Variants in CSMD1 observed in about 807,000 individuals in gnomAD.
CSMD1 encodes CUB and sushi domain-containing protein 1.
In CSMD1, 213 loss-of-function variants were observed where a neutral mutation model predicts 417.5. That is an observed-to-expected ratio of 0.51 (90% CI 0.46 to 0.57). The LOEUF is 0.57. Among genes scored for constraint, CSMD1 ranks in the 20% least tolerant of loss-of-function variants. The pLI is 0.00. For missense variants in CSMD1, 6,923 were observed against 4,529.7 expected, an observed-to-expected ratio of 1.53 and a Z score of -15.17; for synonymous variants, 2,862 against 1,736.8, an observed-to-expected ratio of 1.65 and a Z score of -16.11.
chr8:3,997,549 T>C (rs1815311762), intron 5 of CSMD1, among the ~76,000 whole-genome samples: 1 of 152,094 alleles, frequency 6.6e-6, no homozygotes, highest in Non-Finnish European at 1.5e-5. Flanking sequence ...TAACGTGAGA[T>C]AAAAGAAAAT....
intron 4 of CSMD1, among the ~76,000 whole-genome samples, chr8:4,006,059 T>A (rs1486770122): frequency 6.6e-6 from 1 of 152,150 alleles, no homozygotes; most frequent in African/African-American, 2.4e-5. Context: ...ATTCAAGGAA[T>A]GAGCTGGAGG....
At chr8:4,808,188 G>C (rs1013520408) in intron 1 of CSMD1, among the ~76,000 whole-genome samples, 2 of 152,164 alleles carry the variant, frequency 1.3e-5, no homozygotes, top group Non-Finnish European at 2.9e-5. Context: ...CAGGCAGATT[G>C]GTTTCATTGC....
At chr8:3,327,201 G>T (rs975860161) in intron 23 of CSMD1, among the ~76,000 whole-genome samples, 10 of 151,152 alleles carry the variant, frequency 6.6e-5, no homozygotes, top group Non-Finnish European at 1.2e-4. Flanking sequence ...AGTGTGCAGT[G>T]GCAGGATCTC....
chr8:4,562,937 C>T (rs757280560), intron 2 of CSMD1, among the ~76,000 whole-genome samples: 2 of 152,174 alleles, frequency 1.3e-5, no homozygotes, highest in African/African-American at 2.4e-5. Flanking sequence ...ATTAACTCTA[C>T]TTTCTTAAAC....
intron 3 of CSMD1, among the ~76,000 whole-genome samples, chr8:4,316,186 A>G (rs888843676): frequency 3.9e-5 from 6 of 152,190 alleles, no homozygotes; most frequent in African/African-American, 1.4e-4. Context: ...GCTAAATTTC[A>G]AGAGAGCAGG....
intron 2 of CSMD1, among the ~76,000 whole-genome samples, chr8:4,467,314 C>T (rs554938043): frequency 1.5e-3 from 222 of 152,210 alleles, no homozygotes; most frequent in African/African-American, 4.8e-3. Flanking sequence ...AGTCACTATA[C>T]AGATTATTTA....
chr8:4,218,760 C>G (rs1227971008), intron 3 of CSMD1, among the ~76,000 whole-genome samples: 1 of 152,160 alleles, frequency 6.6e-6, no homozygotes, highest in Non-Finnish European at 1.5e-5. Context: ...TTTCATCAGT[C>G]TCTTGATTTG....
Position 3,123,330 on chromosome 8 carries a change from C to T in CSMD1, c.6242-4743G>A, listed in dbSNP as rs1414631561. On this transcript the variant is annotated intron_variant, in intron 41 of 69. Coordinates refer to ENST00000635120, the MANE Select transcript of CSMD1 (RefSeq NM_033225.6). The stretch of plus-strand genomic sequence containing the variant: ...CACAAAAACAGCCTTTTCTTGAAAG[C>T]CACTGCCAAATGGCCTAGAAAACAT... Among the ~76,000 whole-genome samples, 4 of 152,272 alleles carry T rather than the reference C, an allele frequency of 2.6e-5. No homozygotes were observed. The East Asian group carries it at 7.7e-4, about 29-fold the overall frequency.
intron 2 of CSMD1, among the ~76,000 whole-genome samples, chr8:4,512,219 T>A (rs907422890): frequency 1.2e-4 from 18 of 152,110 alleles, no homozygotes; most frequent in Non-Finnish European, 2.1e-4. Context: ...GAAAAGCAAT[T>A]AACAAAATCC....
At chr8:4,230,685 G>A (rs1052695654) in intron 3 of CSMD1, among the ~76,000 whole-genome samples, 8 of 151,962 alleles carry the variant, frequency 5.3e-5, no homozygotes, top group African/African-American at 1.9e-4. Flanking sequence ...AATTTTTACT[G>A]CCTAATAGTA....
intron 7 of CSMD1, among the ~76,000 whole-genome samples, chr8:3,636,883 C>A (rs552625935): frequency 6.6e-6 from 1 of 152,078 alleles, no homozygotes; most frequent in African/African-American, 2.4e-5. Context: ...GATTTTGTTG[C>A]CATTGTGAGG....
intron 2 of CSMD1, among the ~76,000 whole-genome samples, chr8:4,580,605 GCT>G (rs1799368732): frequency 6.6e-6 from 1 of 151,948 alleles, no homozygotes; most frequent in Non-Finnish European, 1.5e-5. Context: ...ACCCATAACT[GCT>G]CTCTCCCCTC....
At chr8:4,298,959 T>G (rs566757145) in intron 3 of CSMD1, among the ~76,000 whole-genome samples, 1 of 152,104 alleles carries the variant, frequency 6.6e-6, no homozygotes, top group Non-Finnish European at 1.5e-5. Context: ...ATATGTCATA[T>G]ATAATAGAAC....
chr8:4,720,029 T>C (rs999820605), intron 1 of CSMD1, among the ~76,000 whole-genome samples: 1 of 152,064 alleles, frequency 6.6e-6, no homozygotes, highest in African/African-American at 2.4e-5. Context: ...TTACAGATCA[T>C]TAAATATTTT....
At chr8:3,188,078 ATATGTATATG>A (rs1240759510) in intron 35 of CSMD1, 113 bp from the exon 36 acceptor site, 5 of 338,398 alleles carry the variant, frequency 1.5e-5, no homozygotes, top group Non-Finnish European at 2.7e-5. Flanking sequence ...ATATATATAC[ATATGTATATG>A]TATATATATA....
At chr8:2,971,656 T>G (rs764850388) in intron 57 of CSMD1, among the ~76,000 whole-genome samples, 1 of 152,200 alleles carries the variant, frequency 6.6e-6, no homozygotes, top group Non-Finnish European at 1.5e-5. Flanking sequence ...CTGGTTTTGG[T>G]GAGAAAACAT....
intron 1 of CSMD1, among the ~76,000 whole-genome samples, chr8:4,717,472 A>G (rs1308765628): frequency 6.6e-6 from 1 of 151,614 alleles, no homozygotes; most frequent in African/African-American, 2.4e-5. Flanking sequence ...ATATATATAC[A>G]CACACACCCC....
intron 2 of CSMD1, among the ~76,000 whole-genome samples, chr8:4,577,742 G>C (rs1023236988): frequency 6.6e-6 from 1 of 152,178 alleles, no homozygotes; most frequent in South Asian, 2.1e-4. Context: ...TGGGTATGCT[G>C]TTTGATTACT....
intron 7 of CSMD1, among the ~76,000 whole-genome samples, chr8:3,625,835 A>G (rs961870935): frequency 3.3e-5 from 5 of 152,106 alleles, no homozygotes; most frequent in African/African-American, 1.2e-4. Flanking sequence ...TTTTTCTATC[A>G]GAGGGAAAAA....
Sources: gnomAD v4.1 joint callset for allele counts (sites outside exome capture counted in the v4.1 genomes callset) on GRCh38, gnomAD v4.1.1 for gene constraint, MANE v1.5 for transcripts, NCBI Gene and HGNC (gene_info 2026-07-23, HGNC 2026-07-21) for gene names.